Variants in NELL1 observed in about 807,000 individuals in gnomAD.
The protein encoded by NELL1 is protein kinase C-binding protein NELL1.
A neutral mutation model predicts 107.4 loss-of-function variants in NELL1; 76 were observed. The observed-to-expected ratio is 0.71, with a 90% CI of 0.59 to 0.86. The LOEUF (loss-of-function observed/expected upper bound fraction) is 0.86. NELL1 is among the 40% of genes least tolerant of loss of function. NELL1 has a pLI of 0.00. For missense variants in NELL1, 1,024 were observed against 1,005.5 expected (o/e 1.02, Z -0.25); for synonymous variants, 353 against 341.2 (o/e 1.03, Z -0.38).
chr11:20,740,852 C>T (rs1475735676), intron 2 of NELL1, among the ~76,000 whole-genome samples: 3 of 152,044 alleles, frequency 2.0e-5, no homozygotes, highest in African/African-American at 7.2e-5. Context: ...ATTCAAACTC[C>T]TGGGCCCAAG....
intron 2 of NELL1, among the ~76,000 whole-genome samples, chr11:20,759,048 G>T (rs762879642): frequency 3.7e-4 from 57 of 152,188 alleles, no homozygotes; most frequent in Non-Finnish European, 6.9e-4. Context: ...TCTTACAGAT[G>T]AGGAACTTGA....
chr11:20,843,794 T>C (rs1193443109), intron 3 of NELL1, among the ~76,000 whole-genome samples: 1 of 151,818 alleles, frequency 6.6e-6, no homozygotes, highest in Non-Finnish European at 1.5e-5. Flanking sequence ...AGAATTATTG[T>C]TCCTGAATTT....
chr11:21,496,491 C>A (rs2036403973), intron 15 of NELL1, among the ~76,000 whole-genome samples: 2 of 150,590 alleles, frequency 1.3e-5, no homozygotes. Flanking sequence ...CTCATTGCAA[C>A]CTTCGCCTCT....
chr11:21,104,728 A>G (rs1213340554), intron 12 of NELL1, among the ~76,000 whole-genome samples: 1 of 152,230 alleles, frequency 6.6e-6, no homozygotes, highest in East Asian at 1.9e-4. Flanking sequence ...GGCACCTGAG[A>G]AATGTAAAGT....
At chr11:21,360,466 G>A (rs1348698333) in intron 14 of NELL1, among the ~76,000 whole-genome samples, 1 of 152,106 alleles carries the variant, frequency 6.6e-6, no homozygotes, top group Non-Finnish European at 1.5e-5. Context: ...ATATTATACA[G>A]TTGTTGGGTA....
chr11:20,677,580 G>C (rs984808828), intron 1 of NELL1, among the ~76,000 whole-genome samples: 2 of 152,120 alleles, frequency 1.3e-5, no homozygotes, highest in African/African-American at 4.8e-5. Context: ...TGATTATGGG[G>C]TTCTGAGTTA....
chr11:20,859,684 T>C (rs1274336397), intron 4 of NELL1, among the ~76,000 whole-genome samples: 1 of 152,158 alleles, frequency 6.6e-6, no homozygotes, highest in African/African-American at 2.4e-5. Context: ...CTACTGGTGG[T>C]GAAATCAAGG....
chr11:21,345,477 G>T (rs1239132405), intron 14 of NELL1, among the ~76,000 whole-genome samples: 1 of 152,070 alleles, frequency 6.6e-6, no homozygotes, highest in Non-Finnish European at 1.5e-5. Flanking sequence ...ACAGAGCAGG[G>T]GCCATTCTCT....
At chr11:20,806,081 G>C (rs1408666670) in intron 3 of NELL1, among the ~76,000 whole-genome samples, 2 of 150,302 alleles carry the variant, frequency 1.3e-5, no homozygotes, top group Non-Finnish European at 3.0e-5. Context: ...ACTAATACCA[G>C]AGAGTTTTGT....
chr11:20,851,395 A>G (rs1380388287), intron 4 of NELL1, among the ~76,000 whole-genome samples: 1 of 152,142 alleles, frequency 6.6e-6, no homozygotes, highest in Admixed American at 6.5e-5. Flanking sequence ...AGATTACCTC[A>G]AGCTAGAAAC....
chr11:20,757,755 A>G (rs1856328996), intron 2 of NELL1, among the ~76,000 whole-genome samples: 1 of 152,154 alleles, frequency 6.6e-6, no homozygotes, highest in African/African-American at 2.4e-5. Context: ...AAGCCCATGG[A>G]ATCTCCTGCC....
At chr11:20,976,589 T>C (rs1851640928) in intron 12 of NELL1, among the ~76,000 whole-genome samples, 3 of 152,218 alleles carry the variant, frequency 2.0e-5, no homozygotes, top group Admixed American at 2.0e-4. Context: ...ATACCAGATA[T>C]CAAATTTGCA....
intron 15 of NELL1, among the ~76,000 whole-genome samples, chr11:21,434,955 A>C (rs1853070032): frequency 6.6e-6 from 1 of 151,872 alleles, no homozygotes; most frequent in African/African-American, 2.4e-5. Flanking sequence ...TTTGTATGGA[A>C]TTTTTTAAAA....
chr11:21,202,235 G>T (rs1857286033), intron 13 of NELL1, among the ~76,000 whole-genome samples: 1 of 152,182 alleles, frequency 6.6e-6, no homozygotes, highest in African/African-American at 2.4e-5. Flanking sequence ...GGTAGAATTT[G>T]GCTGTGAATC....
chr11:20,707,326 G>T (rs1312575627), intron 2 of NELL1, among the ~76,000 whole-genome samples: 1 of 151,378 alleles, frequency 6.6e-6, no homozygotes, highest in African/African-American at 2.4e-5. Context: ...TTAGCTCAGA[G>T]AAGTTTGTTA....
At chr11:21,232,179 A>ATATATAT (rs1565122814) in intron 14 of NELL1, among the ~76,000 whole-genome samples, 11 of 111,546 alleles carry the variant, frequency 9.9e-5, no homozygotes, top group South Asian at 3.0e-4. Context: ...TATATATATA[A>ATATATAT]ATTAGCTGGG....
At chr11:21,092,517 CTG>C (rs1362948871) in intron 12 of NELL1, among the ~76,000 whole-genome samples, 3 of 151,964 alleles carry the variant, frequency 2.0e-5, no homozygotes, top group Non-Finnish European at 4.4e-5. Context: ...CAGAAAGAAA[CTG>C]TGTATTTCCT....
chr11:21,331,163 T>A (rs948014490), intron 14 of NELL1, among the ~76,000 whole-genome samples: 1 of 152,150 alleles, frequency 6.6e-6, no homozygotes, highest in Non-Finnish European at 1.5e-5. Flanking sequence ...AACATATTTA[T>A]TGTAGTTGCT....
chr11:21,436,058 T>A (rs997417692), intron 15 of NELL1, among the ~76,000 whole-genome samples: 1 of 152,096 alleles, frequency 6.6e-6, no homozygotes, highest in African/African-American at 2.4e-5. Context: ...CTTTCTTTCT[T>A]ATGTATTTAT....
Sources: gnomAD v4.1 joint callset for allele counts (sites outside exome capture counted in the v4.1 genomes callset) on GRCh38, gnomAD v4.1.1 for gene constraint, MANE v1.5 for transcripts, NCBI Gene and HGNC (gene_info 2026-07-23, HGNC 2026-07-21) for gene names.